Variants in HS3ST2 observed in about 807,000 individuals in gnomAD.
HS3ST2 encodes heparan sulfate-glucosamine 3-sulfotransferase 2.
In HS3ST2, 17 loss-of-function variants were observed where a neutral mutation model predicts 26.3. The ratio of observed to expected loss-of-function variants is 0.65; its 90% CI spans 0.44 to 0.97. The LOEUF is 0.97. Ranked by LOEUF, HS3ST2 falls within the 50% of genes least tolerant of loss-of-function variation. The pLI is 0.00. For synonymous variants in HS3ST2, 237 were observed against 219.2 expected (o/e 1.08, Z -0.72); for missense variants, 402 against 501.2 (o/e 0.80, Z 1.89).
At chr16:22,895,655 A>G (rs1188735475) in intron 1 of HS3ST2, among the ~76,000 whole-genome samples, 2 of 152,142 alleles carry the variant, frequency 1.3e-5, no homozygotes, top group Admixed American at 6.5e-5. Flanking sequence ...AATTTTTAAT[A>G]TTAATACAAT....
At chr16:22,865,087 C>A (rs9939816) in intron 1 of HS3ST2, among the ~76,000 whole-genome samples, 25,324 of 143,294 alleles carry the variant, frequency 0.18, 4,037 homozygotes, top group African/African-American at 0.42. Flanking sequence ...AAAGAAAAAA[C>A]CCTCATATGC....
chr16:22,845,695 T>C (rs889264401), intron 1 of HS3ST2, among the ~76,000 whole-genome samples: 5 of 152,172 alleles, frequency 3.3e-5, no homozygotes, highest in Non-Finnish European at 7.4e-5. Context: ...CAAAAATCCA[T>C]GTTAGGTCGG....
intron 1 of HS3ST2, among the ~76,000 whole-genome samples, chr16:22,881,644 T>C (rs208610): frequency 0.33 from 50,351 of 152,054 alleles, 8,774 homozygotes; most frequent in East Asian, 0.45. Flanking sequence ...TCCTAACTTC[T>C]CAGCAAGGTG....
In HS3ST2 at chr16:22,814,325, G is replaced by A. The variant is rs1900816679; in HGVS notation, c.-286G>A. 1 of 344,920 alleles carries A rather than the reference G, an allele frequency of 2.9e-6. No individual in the cohort carries two copies. Among genetic ancestry groups the A allele is most frequent in the South Asian group, 1.1e-4 (1 of 8,706 alleles). 21.4% of individuals were successfully genotyped at this position (344,920 alleles called of 1,614,324 possible). A position where few individuals can be genotyped will look rare whatever the true frequency, so the allele number is the denominator to read the frequency against. The stretch of plus-strand genomic sequence containing the variant: ...CGCGCTCCGAACCCGGCGCACGTAA[G>A]AGCCTGGGAGCGCCCGAGCCGCCCG... On this transcript the variant is annotated 5_prime_UTR_variant, in exon 1 of 2. Coordinates refer to ENST00000261374, the MANE Select transcript of HS3ST2 (RefSeq NM_006043.2).
chr16:22,816,078 C>T (rs371349531), intron 1 of HS3ST2, among the ~76,000 whole-genome samples: 1 of 152,168 alleles, frequency 6.6e-6, no homozygotes, highest in Non-Finnish European at 1.5e-5. Context: ...GCAGCGTCCA[C>T]GCCTCAATGC....
rs372036008 is a variant in HS3ST2 at position 22,913,314 on chromosome 16, A to G, written c.486-1630A>G. 1.1e-4 allele frequency among the ~76,000 whole-genome samples: 17 copies of G among 152,268 alleles called. No homozygotes were observed. The East Asian group carries it at 2.5e-3, about 23-fold the overall frequency. On this transcript the variant is annotated intron_variant, in intron 1 of 1. Coordinates refer to ENST00000261374, the MANE Select transcript of HS3ST2 (RefSeq NM_006043.2). ...GAACCAGGGATGCTCCCGTCCATCA[A>G]GGCCTGAATGAGATGCTCCTGGGAA...
At chr16:22,874,391 C>T (rs1263474015) in intron 1 of HS3ST2, among the ~76,000 whole-genome samples, 3 of 152,204 alleles carry the variant, frequency 2.0e-5, no homozygotes, top group Admixed American at 2.0e-4. Context: ...TCTGCAAGTT[C>T]TCAGATTTGT....
At chr16:22,862,430 A>C (rs1184725511) in intron 1 of HS3ST2, among the ~76,000 whole-genome samples, 2 of 152,156 alleles carry the variant, frequency 1.3e-5, no homozygotes, top group Admixed American at 1.3e-4. Flanking sequence ...TATACTTGCA[A>C]TCCCAGCTGT....
At chr16:22,901,061 C>CCTCTATAA (rs1409395254) in intron 1 of HS3ST2, among the ~76,000 whole-genome samples, 11 of 152,230 alleles carry the variant, frequency 7.2e-5, no homozygotes, top group African/African-American at 2.6e-4. Flanking sequence ...AATAGATGGT[C>CCTCTATAA]ACGGTGCATT....
chr16:22,908,271 A>G (rs1902380274), intron 1 of HS3ST2, among the ~76,000 whole-genome samples: 1 of 152,218 alleles, frequency 6.6e-6, no homozygotes, highest in Non-Finnish European at 1.5e-5. Context: ...GGCTTCATTT[A>G]AACTTCAAAG....
chr16:22,893,794 T>C (rs1035621084), intron 1 of HS3ST2, among the ~76,000 whole-genome samples: 2 of 151,628 alleles, frequency 1.3e-5, no homozygotes, highest in African/African-American at 4.9e-5. Context: ...GAGGGGAATG[T>C]TTTTTCTTTT....
chr16:22,889,598 C>G (rs1016298487), intron 1 of HS3ST2, among the ~76,000 whole-genome samples: 1 of 152,132 alleles, frequency 6.6e-6, no homozygotes, highest in African/African-American at 2.4e-5. Flanking sequence ...AAAAAATCCC[C>G]AATCTGAAAC....
chr16:22,817,530 C>T (rs1301047097), intron 1 of HS3ST2, among the ~76,000 whole-genome samples: 1 of 152,182 alleles, frequency 6.6e-6, no homozygotes, highest in Non-Finnish European at 1.5e-5. Context: ...CCAAGTCATA[C>T]ACATTAACTG....
chr16:22,880,580 G>C (rs532987702), intron 1 of HS3ST2, among the ~76,000 whole-genome samples: 5 of 152,268 alleles, frequency 3.3e-5, no homozygotes, highest in African/African-American at 1.2e-4. Context: ...GTACCACTTT[G>C]ATTTTTCTCT....
chr16:22,893,725 G>A (rs1026303488), intron 1 of HS3ST2, among the ~76,000 whole-genome samples: 4 of 147,918 alleles, frequency 2.7e-5, no homozygotes, highest in African/African-American at 1.0e-4. Context: ...ACAGAAAACC[G>A]AACACCACAT....
At chr16:22,873,372 T>C (rs962621124) in intron 1 of HS3ST2, among the ~76,000 whole-genome samples, 28 of 152,212 alleles carry the variant, frequency 1.8e-4, no homozygotes, top group Admixed American at 1.3e-3. Context: ...GGCTGGAACA[T>C]GGCAGACATT....
rs115933572 is a variant in HS3ST2, at chr16:22,850,650, G to T, written c.485+35555G>T. 1.1e-3 allele frequency among the ~76,000 whole-genome samples: 172 copies of T among 152,242 alleles called. 1 individual carries two copies. The highest frequency in any genetic ancestry group is 4.1e-3 in the African/African-American group (170 of 41,542). ...AAAAATACAAAAATTAGCGAGGTGT[G>T]GTGGAGCTCACCTGTAATCCCAGCT... On this transcript the variant is annotated intron_variant, in intron 1 of 1. Transcript: ENST00000261374.
chr16:22,901,994 T>C (rs1902287333), intron 1 of HS3ST2, among the ~76,000 whole-genome samples: 1 of 152,208 alleles, frequency 6.6e-6, no homozygotes. Context: ...CATTCTACAC[T>C]ACAGCCCAGC....
intron 1 of HS3ST2, among the ~76,000 whole-genome samples, chr16:22,838,823 C>G (rs1901312197): frequency 6.6e-6 from 1 of 152,190 alleles, no homozygotes; most frequent in African/African-American, 2.4e-5. Context: ...CTCTTGAAGC[C>G]TGGGAGAGAG....
Sources: gnomAD v4.1 joint callset for allele counts (sites outside exome capture counted in the v4.1 genomes callset) on GRCh38, gnomAD v4.1.1 for gene constraint, MANE v1.5 for transcripts, NCBI Gene and HGNC (gene_info 2026-07-23, HGNC 2026-07-21) for gene names.